Variants in MGAT4C observed in about 807,000 individuals in gnomAD.
The protein encoded by MGAT4C is alpha-1,3-mannosyl-glycoprotein 4-beta-N-acetylglucosaminyltransferase C.
Under a neutral mutation model 40.1 loss-of-function variants are expected in MGAT4C, and 19 were observed. That is an observed-to-expected ratio of 0.47 (90% CI 0.33 to 0.70). MGAT4C has a LOEUF of 0.70. MGAT4C is among the 30% of genes least tolerant of loss of function. MGAT4C has a pLI of 0.02. For missense variants in MGAT4C, 491 were observed against 563.2 expected (o/e 0.87, Z 1.30); for synonymous variants, 181 against 187.1 (o/e 0.97, Z 0.27).
chr12:85,989,322 G>T, intron 3 of MGAT4C, 78 bp downstream of exon 3: 1 of 1,333,234 alleles, frequency 7.5e-7, no homozygotes, highest in Non-Finnish European at 1.0e-6. Context: ...TGAGATTGAA[G>T]TTAGGCTACA....
At chr12:86,379,142 G>A (rs1489312240) in intron 3 of MGAT4C, among the ~76,000 whole-genome samples, 1 of 151,774 alleles carries the variant, frequency 6.6e-6, no homozygotes, top group Non-Finnish European at 1.5e-5. Flanking sequence ...TAAAATATTG[G>A]TAATACTCAT....
intron 2 of MGAT4C, among the ~76,000 whole-genome samples, chr12:86,694,246 A>G (rs1483197726): frequency 6.6e-6 from 1 of 152,160 alleles, no homozygotes; most frequent in Non-Finnish European, 1.5e-5. Context: ...TTTGTAAGCT[A>G]GTCGTTTTTC....
In MGAT4C at chr12:86,032,882, G is replaced by A. The variant is rs1272336667; in HGVS notation, c.-7+16792C>T. ...GGTATTTCCTAGGTTATCTTCTATAGTTTATATCATTTTAGGTTTAACATT... is the reference window on the plus strand; with the variant it reads ...GGTATTTCCTAGGTTATCTTCTATAATTTATATCATTTTAGGTTTAACATT... On this transcript the variant is annotated intron_variant, in intron 2 of 4. Transcript: ENST00000611864. Among the ~76,000 whole-genome samples the A allele has an allele frequency of 1.3e-5, 2 of 149,706 alleles. 1 individual carries two copies. The highest frequency in any genetic ancestry group is 3.0e-5 in the Non-Finnish European group (2 of 66,762).
At chr12:86,764,037 G>T (rs1951453784) in intron 1 of MGAT4C, among the ~76,000 whole-genome samples, 1 of 152,132 alleles carries the variant, frequency 6.6e-6, no homozygotes, top group African/African-American at 2.4e-5. Flanking sequence ...GGTGCACCGT[G>T]CATGAGCCGA....
chr12:86,444,968 A>T (rs935469933), intron 2 of MGAT4C, among the ~76,000 whole-genome samples: 1 of 152,236 alleles, frequency 6.6e-6, no homozygotes, highest in African/African-American at 2.4e-5. Context: ...GATTCTAAAA[A>T]TGCAAACTTA....
chr12:86,500,542 T>C (rs573253555), intron 2 of MGAT4C, among the ~76,000 whole-genome samples: 3 of 152,020 alleles, frequency 2.0e-5, no homozygotes, highest in Admixed American at 6.6e-5. Flanking sequence ...ATAGAGAAGA[T>C]AGAAATAATC....
intron 2 of MGAT4C, among the ~76,000 whole-genome samples, chr12:86,603,967 G>A (rs1391649783): frequency 6.6e-6 from 1 of 151,178 alleles, no homozygotes; most frequent in South Asian, 2.1e-4. Flanking sequence ...AATGTACACA[G>A]ATATCAGAAC....
chr12:86,834,201 T>A (rs971666177), intron 1 of MGAT4C, among the ~76,000 whole-genome samples: 6 of 148,294 alleles, frequency 4.0e-5, no homozygotes, highest in African/African-American at 1.5e-4. Context: ...TAGATATAGA[T>A]ATAGATATAG....
chr12:86,227,896 C>A (rs1951157275), intron 1 of MGAT4C, among the ~76,000 whole-genome samples: 1 of 151,836 alleles, frequency 6.6e-6, no homozygotes, highest in Admixed American at 6.6e-5. Flanking sequence ...AAACCAGATT[C>A]TTTCCCCATT....
intron 3 of MGAT4C, among the ~76,000 whole-genome samples, chr12:86,336,257 T>C (rs1176168087): frequency 1.3e-5 from 2 of 152,196 alleles, no homozygotes; most frequent in African/African-American, 2.4e-5. Context: ...AATTATACTT[T>C]CCACTAGTTC....
intron 1 of MGAT4C, among the ~76,000 whole-genome samples, chr12:86,072,099 C>T (rs1044567896): frequency 3.3e-5 from 5 of 151,236 alleles, no homozygotes; most frequent in African/African-American, 9.8e-5. Flanking sequence ...AATATTAACA[C>T]ATTCTGTCCT....
chr12:86,371,302 C>G (rs1955710154), intron 3 of MGAT4C, among the ~76,000 whole-genome samples: 1 of 151,992 alleles, frequency 6.6e-6, no homozygotes, highest in African/African-American at 2.4e-5. Context: ...CCTTCCCACT[C>G]TTTAGTTCCT....
chr12:86,344,760 GTGTGTGTGTGTGTGTA>G (rs1566305930), intron 3 of MGAT4C, among the ~76,000 whole-genome samples: 12 of 125,792 alleles, frequency 9.5e-5, no homozygotes, highest in African/African-American at 2.6e-4. Flanking sequence ...GTGTGTATGT[GTGTGTGTGTGTGTGTA>G]GCGGCAAGAG....
chr12:86,604,865 A>G (rs1356556624), intron 2 of MGAT4C, among the ~76,000 whole-genome samples: 1 of 152,188 alleles, frequency 6.6e-6, no homozygotes, highest in Non-Finnish European at 1.5e-5. Flanking sequence ...TCATCTTTGA[A>G]GGTCATAAGA....
In MGAT4C at chr12:86,628,484, G is replaced by C. The variant is rs1449576490; in HGVS notation, c.-229+98725C>G. Among the ~76,000 whole-genome samples the C allele has an allele frequency of 2.0e-5, 3 of 151,956 alleles. No individual in the cohort carries two copies. The South Asian group carries it at 6.2e-4, about 32-fold the overall frequency. ...TTGAAATGAAGGAAAAAATGTTAAG[G>C]GTAGTCAGAGAGAAAGGTCGGGTTA... On this transcript the variant is annotated intron_variant, in intron 2 of 7. Transcript: ENST00000548651.
chr12:86,612,144 C>G (rs1193512586), intron 2 of MGAT4C, among the ~76,000 whole-genome samples: 2 of 152,102 alleles, frequency 1.3e-5, no homozygotes, highest in Non-Finnish European at 2.9e-5. Context: ...ACACCTCACA[C>G]TTTATACTCT....
chr12:86,763,325 TC>T (rs1293302919), intron 1 of MGAT4C, among the ~76,000 whole-genome samples: 5 of 152,168 alleles, frequency 3.3e-5, no homozygotes, highest in Non-Finnish European at 7.4e-5. Context: ...GGGTAAAACT[TC>T]CCCCACTTTA....
At chr12:86,705,197 C>A (rs1262085468) in intron 2 of MGAT4C, among the ~76,000 whole-genome samples, 1 of 149,800 alleles carries the variant, frequency 6.7e-6, no homozygotes, top group Non-Finnish European at 1.5e-5. Context: ...CTCTAATTAT[C>A]TATCTATCTG....
At chr12:86,235,312 T>C (rs1437269675) in intron 1 of MGAT4C, among the ~76,000 whole-genome samples, 1 of 152,098 alleles carries the variant, frequency 6.6e-6, no homozygotes, top group Non-Finnish European at 1.5e-5. Flanking sequence ...CACTGATATA[T>C]CTGTTTTAAG....
Sources: allele counts gnomAD v4.1 joint callset (sites outside exome capture counted in the v4.1 genomes callset), GRCh38; gene constraint gnomAD v4.1.1; transcripts MANE v1.5; gene names NCBI Gene and HGNC (gene_info 2026-07-23, HGNC 2026-07-21).